Variants in RUSC2 observed in about 807,000 individuals in gnomAD.
RUSC2 encodes AP-4 complex accessory subunit RUSC2.
RUSC2 carries 34 observed loss-of-function variants against 122.2 expected under a neutral mutation model. The observed-to-expected ratio is 0.28, with a 90% CI of 0.21 to 0.37. RUSC2 has a LOEUF of 0.37. Ranked by LOEUF, RUSC2 falls within the 10% of genes least tolerant of loss-of-function variation. The pLI, the probability that RUSC2 is intolerant of heterozygous loss-of-function variation, is 1.00. For missense variants in RUSC2, 1,747 were observed against 1,952.4 expected (o/e 0.89, Z 1.98); for synonymous variants, 784 against 790.0 (o/e 0.99, Z 0.13).
chr9:35,495,649 C>G (rs947518325), intron 1 of RUSC2, among the ~76,000 whole-genome samples: 4 of 152,050 alleles, frequency 2.6e-5, no homozygotes, highest in African/African-American at 9.7e-5. Context: ...TTTGGTTGTT[C>G]AGGATCCCTT....
intron 2 of RUSC2, among the ~76,000 whole-genome samples, chr9:35,553,845 T>G (rs1292460158): frequency 6.6e-6 from 1 of 152,182 alleles, no homozygotes; most frequent in Non-Finnish European, 1.5e-5. Context: ...CCATCCCCTC[T>G]GACTCTTTGA....
chr9:35,519,017 C>T (rs1277888734), intron 1 of RUSC2, among the ~76,000 whole-genome samples: 2 of 152,198 alleles, frequency 1.3e-5, no homozygotes, highest in Non-Finnish European at 2.9e-5. Flanking sequence ...CAGCTTTCAA[C>T]TTGAGGTCCA....
intron 1 of RUSC2, among the ~76,000 whole-genome samples, chr9:35,518,533 CCA>C (rs1352399723): frequency 1.3e-5 from 2 of 152,180 alleles, no homozygotes; most frequent in Non-Finnish European, 2.9e-5. Context: ...AGCAGGATAT[CCA>C]CAGAGTTCCA....
In RUSC2 at chr9:35,519,120, T is replaced by C. The variant is rs537808231; in HGVS notation, c.-92-27310T>C. ...CCCTGTCCTGTTTAATGCTGAACTG[T>C]TTTCAACAAGACTTGCTTCCCGTAG... On this transcript the variant is annotated intron_variant, in intron 1 of 11. Coordinates refer to ENST00000361226, the MANE Select transcript of RUSC2 (RefSeq NM_014806.5). Among the ~76,000 whole-genome samples the C allele has an allele frequency of 2.0e-3, 312 of 152,308 alleles. 2 individuals carry two copies. Among genetic ancestry groups the C allele is most frequent in the Non-Finnish European group, 1.6e-3 (112 of 68,042 alleles).
rs774016155 is a variant in RUSC2 at position 35,548,316 on chromosome 9, C to T, written c.1795C>T (p.Pro599Ser). The T allele has an allele frequency of 3.1e-6, 5 of 1,613,954 alleles. No individual in the cohort carries two copies. Among genetic ancestry groups the T allele is most frequent in the Non-Finnish European group, 3.4e-6 (4 of 1,180,050 alleles). Reference sequence around the variant, plus strand: ...CACTTGCTGTAGCCATAGCCTGCCACCCATGCCTTTGGGGCCAGGCATGGA... The same window carrying T: ...CACTTGCTGTAGCCATAGCCTGCCATCCATGCCTTTGGGGCCAGGCATGGA... ...EGTCCSHSLP[P>S]MPLGPGMDLL... is the part of the protein sequence containing the mutation. The change falls in exon 2 of 12, where the codon CCC becomes TCC. Residue 599 changes from proline (P) to serine (S), a missense_variant. Pro to Ser is a moderately conservative substitution (Grantham distance 74, BLOSUM62 -1). Coordinates refer to ENST00000361226, the MANE Select transcript of RUSC2 (RefSeq NM_014806.5). This position sits in a 1 kb window ranked among gnomAD's most constrained non-coding sequence, Gnocchi z 4.5.
Position 35,546,706 on chromosome 9 carries a change from C to T in RUSC2, c.185C>T (p.Ala62Val), listed in dbSNP as rs1564262760. The change falls in exon 2 of 12, where the codon GCT (alanine) becomes GTT (valine). Residue 62 changes from alanine to valine, a missense_variant. Physicochemically the swap from Ala to Val is moderately conservative, Grantham distance 64 (BLOSUM62 0). Coordinates refer to ENST00000361226, the MANE Select transcript of RUSC2 (RefSeq NM_014806.5). This position sits in a 1 kb window ranked among gnomAD's most constrained non-coding sequence, Gnocchi z 4.3. ...ITQPDQDLGQ[A>V]DSLLFSSLHS... Reference sequence around the variant, plus strand: ...CAGCCCGATCAAGACCTAGGACAAGCTGACTCCCTGCTATTCAGCAGCCTG... The same window carrying T: ...CAGCCCGATCAAGACCTAGGACAAGTTGACTCCCTGCTATTCAGCAGCCTG... 1 of 1,561,006 alleles carries T rather than the reference C, an allele frequency of 6.4e-7. No homozygotes were observed. Among genetic ancestry groups the T allele is most frequent in the Non-Finnish European group, 8.7e-7 (1 of 1,154,176 alleles).
At chr9:35,528,346 T>A (rs1205799761) in intron 1 of RUSC2, among the ~76,000 whole-genome samples, 1 of 151,744 alleles carries the variant, frequency 6.6e-6, no homozygotes, top group Non-Finnish European at 1.5e-5. Context: ...ATTGGGCCAC[T>A]GCACTCCAGC....
In RUSC2 at chr9:35,560,594, A is replaced by C. The variant is rs755158923; in HGVS notation, c.3954A>C (p.Arg1318=). Residue 1318 remains arginine (R), a synonymous_variant, in exon 10 of 12, where the codon CGA becomes CGC. Coordinates refer to ENST00000361226, the MANE Select transcript of RUSC2 (RefSeq NM_014806.5). ...GACCTCCCCAGGCTCCACCACCCCGAGAGGGAGTAGTGGAGGGGGCTGAGG... is the reference window on the plus strand; with the variant it reads ...GACCTCCCCAGGCTCCACCACCCCGCGAGGGAGTAGTGGAGGGGGCTGAGG... The part of the protein sequence containing the change: ...GGGPPQAPPP[R]EGVVEGAEAC... The C allele has an allele frequency of 1.2e-6, 2 of 1,613,450 alleles. No individual in the cohort carries two copies. The highest frequency in any genetic ancestry group is 1.7e-6 in the Non-Finnish European group (2 of 1,179,686).
In RUSC2 at chr9:35,496,180, C is replaced by T. The variant is rs372346533; in HGVS notation, c.-93+6008C>T. 3.4e-4 allele frequency among the ~76,000 whole-genome samples: 52 copies of T among 152,144 alleles called. No individual in the cohort carries two copies. In the South Asian group the frequency reaches 8.9e-3, roughly 26 times the overall value. On this transcript the variant is annotated intron_variant, in intron 1 of 11. Coordinates refer to ENST00000361226, the MANE Select transcript of RUSC2 (RefSeq NM_014806.5). ...GCATGCAACAAGTGGAGACCTACCT[C>T]GAGGCTGCAGAGGTTGAGGCATGAG...
intron 1 of RUSC2, among the ~76,000 whole-genome samples, chr9:35,524,814 AC>A (rs1452369396): frequency 2.6e-5 from 4 of 152,098 alleles, no homozygotes; most frequent in African/African-American, 9.7e-5. Context: ...TACTAAAAAT[AC>A]AAAAAATTAG....
rs1292556217 is a variant in RUSC2 at position 35,547,336 on chromosome 9, C to A, written c.815C>A (p.Ser272Tyr). ...ADQSMGYVSD[S>Y]SCNSSDGVLV... ...CAGTCCATGGGCTATGTGAGCGACT[C>A]CTCCTGCAACAGTTCAGATGGTGTG... The change falls in exon 2 of 12, where the codon TCC becomes TAC. Residue 272 changes from serine to tyrosine, a missense_variant. By Grantham distance (144) the Ser-to-Tyr change is moderately radical (BLOSUM62 -2). Transcript: ENST00000361226. This position sits in a 1 kb window ranked among gnomAD's most constrained non-coding sequence, Gnocchi z 4.6. 3.1e-6 allele frequency: 5 copies of A among 1,614,184 alleles called. No individual in the cohort carries two copies. Among genetic ancestry groups the A allele is most frequent in the Admixed American group, 1.7e-5 (1 of 60,020 alleles).
chr9:35,525,911 ATC>A (rs2132523812), intron 1 of RUSC2, among the ~76,000 whole-genome samples: 1 of 152,238 alleles, frequency 6.6e-6, no homozygotes, highest in African/African-American at 2.4e-5. Flanking sequence ...ATGAAACCCT[ATC>A]TACCAAAAAA....
At position 35,538,462 on chromosome 9, in the gene RUSC2, G is replaced by A. The variant is rs540345758; in HGVS notation, c.-92-7968G>A. On this transcript the variant is annotated intron_variant, in intron 1 of 11. Transcript: ENST00000361226. ...CTGGGCTTCAGGAATCCCCTCCCAG[G>A]CTGACTGCCCCACCCTGAGGCTAGT... Among the ~76,000 whole-genome samples the A allele has an allele frequency of 1.1e-4, 17 of 152,264 alleles. No homozygotes were observed. The South Asian group carries it at 3.5e-3, about 32-fold the overall frequency.
Position 35,561,301 on chromosome 9 carries a change from C to A in RUSC2, c.4470C>A (p.Gly1490=). The A allele has an allele frequency of 1.9e-6, 3 of 1,614,144 alleles. No homozygotes were observed. The highest frequency in any genetic ancestry group is 2.5e-6 in the Non-Finnish European group (3 of 1,180,012). Residue 1490 remains glycine, a synonymous_variant, in exon 12 of 12, where the codon GGC becomes GGA. Transcript: ENST00000361226. ...AGGDWLRCSR[G]PDSGLVPLAY... Reference sequence around the variant, plus strand: ...GAGACTGGCTGCGCTGCAGCCGTGGCCCCGACTCTGGCCTGGTGCCCCTGG... The same window carrying A: ...GAGACTGGCTGCGCTGCAGCCGTGGACCCGACTCTGGCCTGGTGCCCCTGG...
At chr9:35,520,241 C>T (rs971126839) in intron 1 of RUSC2, among the ~76,000 whole-genome samples, 1 of 152,194 alleles carries the variant, frequency 6.6e-6, no homozygotes, top group Non-Finnish European at 1.5e-5. Context: ...AAGGCTTTGA[C>T]TCTGCCTGAG....
At chr9:35,519,092 C>T (rs1821163673) in intron 1 of RUSC2, among the ~76,000 whole-genome samples, 1 of 152,194 alleles carries the variant, frequency 6.6e-6, no homozygotes, top group Non-Finnish European at 1.5e-5. Flanking sequence ...TCCCCTTCGT[C>T]TTCCCTGTCC....
At chr9:35,531,153 C>T (rs778518477) in intron 1 of RUSC2, among the ~76,000 whole-genome samples, 8 of 151,886 alleles carry the variant, frequency 5.3e-5, no homozygotes, top group Non-Finnish European at 1.0e-4. Flanking sequence ...CCCAGCTACT[C>T]GGGAGGCTGA....
chr9:35,544,602 A>T (rs1470494443), intron 1 of RUSC2, among the ~76,000 whole-genome samples: 1 of 152,088 alleles, frequency 6.6e-6, no homozygotes, highest in Non-Finnish European at 1.5e-5. Context: ...CACTGTGCCC[A>T]GCCTCGTATG....
chr9:35,531,975 G>A (rs375215475), intron 1 of RUSC2, among the ~76,000 whole-genome samples: 50 of 152,322 alleles, frequency 3.3e-4, no homozygotes, highest in African/African-American at 1.2e-3. Context: ...GCAGTGAGCA[G>A]AGATCATGCC....
Sources: allele counts gnomAD v4.1 joint callset (sites outside exome capture counted in the v4.1 genomes callset), GRCh38; gene constraint gnomAD v4.1.1; non-coding constraint Gnocchi (gnomAD v3.1); transcripts MANE v1.5; gene names NCBI Gene and HGNC (gene_info 2026-07-23, HGNC 2026-07-21).